Variants in EMB observed in about 807,000 individuals in gnomAD.
EMB encodes embigin homolog.
In EMB, 31 loss-of-function variants were observed where a neutral mutation model predicts 41.4. The observed-to-expected ratio is 0.75, with a 90% CI of 0.56 to 1.01. The LOEUF (loss-of-function observed/expected upper bound fraction) is 1.01. EMB is among the 50% of genes least tolerant of loss of function. The pLI is 0.00. For synonymous variants in EMB, 137 were observed against 140.4 expected, an observed-to-expected ratio of 0.98 and a Z score of 0.17; for missense variants, 379 against 388.3, an observed-to-expected ratio of 0.98 and a Z score of 0.20.
At chr5:50,439,763 C>G (rs1329238960) in intron 1 of EMB, among the ~76,000 whole-genome samples, 1 of 152,148 alleles carries the variant, frequency 6.6e-6, no homozygotes, top group Non-Finnish European at 1.5e-5. Context: ...ATCCTTCCTT[C>G]TCTATGGTGT....
chr5:50,421,170 A>T (rs1411043046), intron 2 of EMB, among the ~76,000 whole-genome samples: 1 of 152,208 alleles, frequency 6.6e-6, no homozygotes, highest in African/African-American at 2.4e-5. Context: ...GAATCAGTCA[A>T]ATTCCAAGAG....
At chr5:50,413,962 A>G (rs1745386999) in intron 2 of EMB, among the ~76,000 whole-genome samples, 2 of 152,164 alleles carry the variant, frequency 1.3e-5, no homozygotes, top group African/African-American at 2.4e-5. Context: ...AAGATACTCA[A>G]AAAATACTAT....
rs184019017 is a variant in EMB at position 50,430,168 on chromosome 5, C to T, written c.113-1941G>A. On this transcript the variant is annotated intron_variant, in intron 1 of 8. Coordinates refer to ENST00000303221, the MANE Select transcript of EMB (RefSeq NM_198449.3). ...TATTTCAGGAAGATCAAGGCAGATG[C>T]TATTCACTTATGGACAGGAAGCCAG... Among the ~76,000 whole-genome samples, 1,298 of 152,262 alleles carry T rather than the reference C, an allele frequency of 8.5e-3. 30 individuals carry two copies. The highest frequency in any genetic ancestry group is 0.03 in the African/African-American group (1,249 of 41,542).
At chr5:50,402,044 C>T (rs1391445152) in intron 7 of EMB, among the ~76,000 whole-genome samples, 2 of 151,828 alleles carry the variant, frequency 1.3e-5, no homozygotes, top group African/African-American at 4.8e-5. Context: ...ATGGTGAGTA[C>T]TATTATTAAA....
At chr5:50,431,745 C>A (rs1478788086) in intron 1 of EMB, among the ~76,000 whole-genome samples, 1 of 152,158 alleles carries the variant, frequency 6.6e-6, no homozygotes, top group African/African-American at 2.4e-5. Flanking sequence ...ATATAGCATT[C>A]TTTTACAGGT....
intron 8 of EMB, 36 bp from the exon 9 acceptor site, chr5:50,399,326 A>G (rs757781894): frequency 4.6e-5 from 73 of 1,603,540 alleles, no homozygotes; most frequent in Non-Finnish European, 5.6e-5. Flanking sequence ...TATAATTAGT[A>G]TGTTCTGGTT....
chr5:50,431,314 AT>A (rs897956276), intron 1 of EMB, among the ~76,000 whole-genome samples: 1 of 152,176 alleles, frequency 6.6e-6, no homozygotes, highest in Admixed American at 6.5e-5. Flanking sequence ...TTTAGGCAAG[AT>A]TTTTTTAACC....
chr5:50,419,548 T>TACAC (rs58712109), intron 2 of EMB, among the ~76,000 whole-genome samples: 97 of 147,220 alleles, frequency 6.6e-4, no homozygotes, highest in Middle Eastern at 3.4e-3. Context: ...CACACACACA[T>TACAC]ACACACACAC....
chr5:50,414,121 G>A (rs1181350247), intron 2 of EMB, among the ~76,000 whole-genome samples: 4 of 152,114 alleles, frequency 2.6e-5, no homozygotes, highest in Non-Finnish European at 5.9e-5. Flanking sequence ...TTGGAAGACG[G>A]TAGTATATCA....
intron 1 of EMB, among the ~76,000 whole-genome samples, chr5:50,434,664 G>A (rs115792505): frequency 0.016 from 2,481 of 152,244 alleles, 69 homozygotes; most frequent in African/African-American, 0.057. Context: ...AAAGCTTCTG[G>A]TTTGGGATTA....
intron 2 of EMB, among the ~76,000 whole-genome samples, chr5:50,424,126 A>G (rs938812279): frequency 6.6e-6 from 1 of 152,134 alleles, no homozygotes; most frequent in Non-Finnish European, 1.5e-5. Context: ...ACCTAACACA[A>G]TATCAGTTAA....
Position 50,396,950 on chromosome 5 carries a change from C to T in EMB, c.*2323G>A, listed in dbSNP as rs1161461580. ...GAGTTCTAAATTAGGGCCTGAGCAG[C>T]TAGATGTTGGGATAATAACAAAAAG... On this transcript the variant is annotated 3_prime_UTR_variant, in exon 9 of 9. Transcript: ENST00000303221. 3 of 151,968 alleles carry T rather than the reference C, an allele frequency of 2.0e-5. No homozygotes were observed. The highest frequency in any genetic ancestry group is 2.9e-5 in the Non-Finnish European group (2 of 67,988). The allele number at this position is 151,968 out of a possible 1,614,324, so 9.4% of individuals were successfully genotyped here.
At chr5:50,409,196 T>C (rs979112192) in intron 4 of EMB, among the ~76,000 whole-genome samples, 1 of 152,142 alleles carries the variant, frequency 6.6e-6, no homozygotes, top group African/African-American at 2.4e-5. Flanking sequence ...GCCTTCCGTG[T>C]GAATACTTGC....
Position 50,441,094 on chromosome 5 carries a change from G to A in EMB, c.58C>T (p.Leu20Phe), listed in dbSNP as rs750541683. 2.0e-6 allele frequency: 3 copies of A among 1,520,210 alleles called. No individual in the cohort carries two copies. In the South Asian group the frequency reaches 3.7e-5, roughly 19 times the overall value. The allele number at this position is 1,520,210 out of a possible 1,614,324, so 94.2% of individuals were successfully genotyped here. Residue 20 changes from leucine to phenylalanine, a missense_variant, in exon 1 of 9, where the codon CTC becomes TTC. Physicochemically the swap from Leu to Phe is conservative, Grantham distance 22. Coordinates refer to ENST00000303221, the MANE Select transcript of EMB (RefSeq NM_198449.3). ...CGCGCGGCAGCGAGAAGGCACTGGA[G>A]GAGGAGCAGCCGGGGCGTACGCGCC... ...ARARTPRLLL[L>F]QCLLAAARPS...
chr5:50,431,172 A>G (rs1193058498), intron 1 of EMB, among the ~76,000 whole-genome samples: 3 of 152,200 alleles, frequency 2.0e-5, no homozygotes, highest in Admixed American at 1.3e-4. Flanking sequence ...CCAAGTGCAA[A>G]AGAACACGTG....
chr5:50,427,978 A>G (rs930064871), intron 2 of EMB, among the ~76,000 whole-genome samples, 166 bp downstream of exon 2: 6 of 152,174 alleles, frequency 3.9e-5, no homozygotes, highest in Admixed American at 3.9e-4. Flanking sequence ...GCCCCCAGTA[A>G]AACGTCCTCA....
intron 2 of EMB, among the ~76,000 whole-genome samples, chr5:50,418,023 A>G (rs565932173): frequency 6.6e-6 from 1 of 152,366 alleles, no homozygotes; most frequent in African/African-American, 2.4e-5. Flanking sequence ...AAACTGATTT[A>G]ACATCATTTC....
intron 1 of EMB, among the ~76,000 whole-genome samples, chr5:50,435,521 G>T (rs1348855585): frequency 1.3e-5 from 2 of 152,104 alleles, no homozygotes; most frequent in Non-Finnish European, 2.9e-5. Flanking sequence ...TTCCAAGACA[G>T]TTCTGCTCTA....
intron 1 of EMB, among the ~76,000 whole-genome samples, chr5:50,436,496 C>G (rs1454445829): frequency 6.6e-6 from 1 of 152,220 alleles, no homozygotes; most frequent in Non-Finnish European, 1.5e-5. Flanking sequence ...CTTACCCACT[C>G]AGGCTCCAAC....
Sources: allele counts gnomAD v4.1 joint callset (sites outside exome capture counted in the v4.1 genomes callset), GRCh38; gene constraint gnomAD v4.1.1; transcripts MANE v1.5; gene names NCBI Gene and HGNC (gene_info 2026-07-23, HGNC 2026-07-21).